RANBP2: variants seen among roughly 807,000 people sequenced by gnomAD.
RANBP2 encodes the protein RAN binding protein 2.
Under a neutral mutation model 303.6 loss-of-function variants are expected in RANBP2, and 57 were observed. The ratio of observed to expected loss-of-function variants is 0.19; its 90% confidence interval spans 0.15 to 0.23. The LOEUF is 0.23. Among genes scored for constraint, RANBP2 ranks in the 10% least tolerant of loss-of-function variants. The pLI, the probability that RANBP2 is intolerant of heterozygous loss-of-function variation, is 1.00. For synonymous variants in RANBP2, 1,167 were observed against 1,301.5 expected (o/e 0.90, Z 2.23); for missense variants, 3,138 against 3,780.8 (o/e 0.83, Z 4.46).
chr2:108,813,491 A>T, the RANBP2 span, among the ~76,000 whole-genome samples: 2 of 152,170 alleles, frequency 1.3e-5, no homozygotes, highest in Admixed American at 1.3e-4. Flanking sequence ...TCATTGACAC[A>T]TCATTAATGG....
the RANBP2 span, among the ~76,000 whole-genome samples, chr2:108,994,922 C>G: frequency 3.3e-5 from 5 of 150,478 alleles, no homozygotes; most frequent in African/African-American, 1.2e-4. Flanking sequence ...CTCCACCTCC[C>G]GGGTTCACGC....
At chr2:109,733,252 G>A in the RANBP2 span, 4 of 312,488 alleles carry the variant, frequency 1.3e-5, no homozygotes, top group African/African-American at 2.2e-5. Context: ...ATTTTACCAT[G>A]GAATGCAAAG....
the RANBP2 span, among the ~76,000 whole-genome samples, chr2:109,708,183 C>A: frequency 1.3e-5 from 2 of 152,120 alleles, no homozygotes; most frequent in African/African-American, 2.4e-5. Context: ...CATGGCAAAA[C>A]CCCATCTCTA....
At chr2:109,374,297 A>T in the RANBP2 span, among the ~76,000 whole-genome samples, 1 of 152,166 alleles carries the variant, frequency 6.6e-6, no homozygotes, top group Non-Finnish European at 1.5e-5. Flanking sequence ...ACTGGGCTCC[A>T]CGCCACACAC....
the RANBP2 span, among the ~76,000 whole-genome samples, chr2:109,123,783 C>A: frequency 5.3e-5 from 8 of 152,166 alleles, no homozygotes; most frequent in Admixed American, 5.2e-4. Context: ...GCTGCCAGTT[C>A]TCACCCATGG....
chr2:109,537,867 G>C, the RANBP2 span, among the ~76,000 whole-genome samples: 3 of 152,138 alleles, frequency 2.0e-5, no homozygotes, highest in Non-Finnish European at 4.4e-5. Context: ...AGGATTGCTT[G>C]AGCCCAGGAG....
chr2:109,236,268 G>A, the RANBP2 span, among the ~76,000 whole-genome samples: 71 of 152,182 alleles, frequency 4.7e-4, no homozygotes, highest in African/African-American at 1.7e-3. Flanking sequence ...AATTCCCCTC[G>A]GTCCTAAAGT....
the RANBP2 span, among the ~76,000 whole-genome samples, chr2:108,974,233 G>C: frequency 2.0e-5 from 3 of 149,848 alleles, no homozygotes; most frequent in East Asian, 5.9e-4. Flanking sequence ...GGGAGGTTGA[G>C]GCAGGAGAAT....
At chr2:108,942,376 C>T in the RANBP2 span, among the ~76,000 whole-genome samples, 3 of 152,168 alleles carry the variant, frequency 2.0e-5, no homozygotes, top group African/African-American at 4.8e-5. Flanking sequence ...GAAAGGCTGG[C>T]GATGGCTGGG....
At chr2:108,779,528 T>C (rs1039914325) in intron 25 of RANBP2, among the ~76,000 whole-genome samples, 1 of 152,116 alleles carries the variant, frequency 6.6e-6, no homozygotes, top group Non-Finnish European at 1.5e-5. Flanking sequence ...GAGAGTTGAT[T>C]TTTTATTGTG....
chr2:108,996,759 A>G, the RANBP2 span, among the ~76,000 whole-genome samples: 8 of 150,334 alleles, frequency 5.3e-5, no homozygotes, highest in Non-Finnish European at 7.4e-5. Context: ...TAATACAATC[A>G]TAGCTCGTTT....
the RANBP2 span, among the ~76,000 whole-genome samples, chr2:108,928,253 G>T: frequency 1.3e-5 from 2 of 152,104 alleles, no homozygotes; most frequent in African/African-American, 4.8e-5. Flanking sequence ...ATCTCCACTT[G>T]CAGGCCTCTG....
the RANBP2 span, among the ~76,000 whole-genome samples, chr2:109,733,391 A>G: frequency 2.0e-5 from 3 of 152,118 alleles, no homozygotes; most frequent in African/African-American, 7.2e-5. Flanking sequence ...CATAATAAAT[A>G]CTCTCAGCAA....
chr2:109,293,225 C>T, the RANBP2 span, among the ~76,000 whole-genome samples: 4 of 152,218 alleles, frequency 2.6e-5, no homozygotes, highest in Admixed American at 6.5e-5. Context: ...TGCCTTAGGG[C>T]ACCCGTAGGA....
the RANBP2 span, among the ~76,000 whole-genome samples, chr2:108,982,401 C>T: frequency 6.6e-6 from 1 of 152,230 alleles, no homozygotes; most frequent in South Asian, 2.1e-4. Flanking sequence ...TTAACTGATG[C>T]CGTGGGAGGC....
chr2:109,348,876 T>G, the RANBP2 span, among the ~76,000 whole-genome samples: 1 of 152,102 alleles, frequency 6.6e-6, no homozygotes, highest in African/African-American at 2.4e-5. Context: ...AGATCTCTGA[T>G]GTTAACACTC....
At chr2:108,777,309 TATATAACTAAG>T in intron 25 of RANBP2, 78 bp downstream of exon 25, 25 of 1,104,886 alleles carry the variant, frequency 2.3e-5, no homozygotes, top group Non-Finnish European at 3.2e-5. Flanking sequence ...TTTGTTGCAG[TATATAACTAAG>T]TTAGAAGTTT....
At chr2:109,378,547 CTT>C in the RANBP2 span, among the ~76,000 whole-genome samples, 5 of 152,164 alleles carry the variant, frequency 3.3e-5, no homozygotes, top group African/African-American at 9.7e-5. Context: ...TGGTTACTGA[CTT>C]TGTGAATTTT....
At chr2:108,841,624 C>G in the RANBP2 span, among the ~76,000 whole-genome samples, 3 of 151,948 alleles carry the variant, frequency 2.0e-5, no homozygotes, top group East Asian at 5.8e-4. Flanking sequence ...TTTTGACCTG[C>G]TTATATCTAG....
Sources: gnomAD v4.1 joint callset for allele counts (sites outside exome capture counted in the v4.1 genomes callset) on GRCh38, gnomAD v4.1.1 for gene constraint, MANE v1.5 for transcripts, NCBI Gene and HGNC (gene_info 2026-07-23, HGNC 2026-07-21) for gene names.